The following UVRAG variants were observed in gnomAD, a reference collection of about 807,000 sequenced individuals.
UVRAG encodes UV radiation resistance-associated gene protein.
A neutral mutation model predicts 78.0 loss-of-function variants in UVRAG; 19 were observed. The ratio of observed to expected loss-of-function variants is 0.24; its 90% CI spans 0.17 to 0.36. The LOEUF (loss-of-function observed/expected upper bound fraction) is 0.36. Among genes scored for constraint, UVRAG ranks in the 10% least tolerant of loss-of-function variants. UVRAG has a pLI of 1.00. For synonymous variants in UVRAG, 323 were observed against 324.6 expected (o/e 1.00, Z 0.05); for missense variants, 740 against 853.8 (o/e 0.87, Z 1.66).
At chr11:76,051,967 G>C (rs149444771) in intron 12 of UVRAG, among the ~76,000 whole-genome samples, 12 of 152,112 alleles carry the variant, frequency 7.9e-5, no homozygotes, top group African/African-American at 2.7e-4. Context: ...CTTCAAAGTC[G>C]TCCCTTGCCA....
intron 13 of UVRAG, among the ~76,000 whole-genome samples, chr11:76,095,903 G>A (rs1013780783): frequency 2.7e-5 from 4 of 149,024 alleles, no homozygotes; most frequent in African/African-American, 4.9e-5. Flanking sequence ...GCCCTTAGAG[G>A]GAGATGCCAC....
chr11:75,971,263 T>C (rs1949116319), intron 7 of UVRAG, among the ~76,000 whole-genome samples: 1 of 152,244 alleles, frequency 6.6e-6, no homozygotes, highest in Non-Finnish European at 1.5e-5. Flanking sequence ...TATATCTTGG[T>C]TGCTTCCAAG....
rs574583591 is a variant in UVRAG at position 75,952,866 on chromosome 11, G to A, written c.594-8578G>A. 5.3e-5 allele frequency among the ~76,000 whole-genome samples: 8 copies of A among 151,944 alleles called. No individual in the cohort carries two copies. In the East Asian group the frequency reaches 1.5e-3, roughly 29 times the overall value. ...TTTTTGATGCTACTGGCATTTTACCGGTGAAGCTATCTGAGCCTAGAGTTT... is the reference window on the plus strand; with the variant it reads ...TTTTTGATGCTACTGGCATTTTACCAGTGAAGCTATCTGAGCCTAGAGTTT... On this transcript the variant is annotated intron_variant, in intron 6 of 14. Coordinates refer to ENST00000356136, the MANE Select transcript of UVRAG (RefSeq NM_003369.4).
intron 6 of UVRAG, among the ~76,000 whole-genome samples, chr11:75,960,391 C>T (rs2135199316): frequency 6.6e-6 from 1 of 152,020 alleles, no homozygotes; most frequent in Non-Finnish European, 1.5e-5. Flanking sequence ...GATCATTTTC[C>T]ACATGACAAT....
At chr11:75,837,301 T>C (rs560414345) in intron 1 of UVRAG, among the ~76,000 whole-genome samples, 1 of 129,510 alleles carries the variant, frequency 7.7e-6, no homozygotes, top group Admixed American at 9.6e-5. Flanking sequence ...CACTCCGGCC[T>C]GGGCGACAGA....
intron 13 of UVRAG, among the ~76,000 whole-genome samples, chr11:76,094,141 T>C (rs918524903): frequency 6.6e-6 from 1 of 152,198 alleles, no homozygotes; most frequent in African/African-American, 2.4e-5. Flanking sequence ...TTTGGTTCTG[T>C]TTATATGCTG....
intron 1 of UVRAG, among the ~76,000 whole-genome samples, chr11:75,828,581 T>G (rs938617920): frequency 4.6e-5 from 7 of 151,084 alleles, no homozygotes; most frequent in Non-Finnish European, 1.0e-4. Flanking sequence ...TGGGCTTAGG[T>G]GATCCTCCTG....
At chr11:76,109,344 A>G (rs117757281) in intron 13 of UVRAG, among the ~76,000 whole-genome samples, 3,014 of 152,238 alleles carry the variant, frequency 0.02, 55 homozygotes, top group Admixed American at 0.054. Context: ...AAAACCCTGG[A>G]GTAGGTTCTT....
At chr11:75,911,377 T>C in intron 5 of UVRAG, 1 of 160,052 alleles carries the variant, frequency 6.2e-6, no homozygotes, top group African/African-American at 2.4e-5. Flanking sequence ...GTGGGCACGT[T>C]TCCTGGGTCC....
chr11:76,072,769 A>G (rs768229282), intron 13 of UVRAG, among the ~76,000 whole-genome samples: 8 of 152,194 alleles, frequency 5.3e-5, no homozygotes, highest in Non-Finnish European at 2.9e-5. Context: ...GTTGGTACTG[A>G]GCCTTTAGTA....
chr11:76,028,897 C>T (rs1340466382), intron 12 of UVRAG, among the ~76,000 whole-genome samples: 2 of 152,086 alleles, frequency 1.3e-5, no homozygotes, highest in Non-Finnish European at 2.9e-5. Context: ...CACTAAACAA[C>T]AGATTTTCAA....
chr11:75,912,030 C>T lies in UVRAG; in HGVS notation c.584C>T (p.Ser195Phe). 1 of 1,609,666 alleles carries T rather than the reference C, an allele frequency of 6.2e-7. No homozygotes were observed. The highest frequency in any genetic ancestry group is 8.5e-7 in the Non-Finnish European group (1 of 1,176,382). ...GTTCGCAATTCTTACGATGTCTTCT[C>T]TTTGCTACGGTAAGAAACTTCTTAG... ...NCVRNSYDVF[S>F]LLRLHRAQCA... Residue 195 changes from serine to phenylalanine, a missense_variant, in exon 6 of 15, where the codon TCT becomes TTT. Transcript: ENST00000356136.
chr11:76,005,460 A>C (rs1427400173), intron 9 of UVRAG, among the ~76,000 whole-genome samples: 1 of 152,220 alleles, frequency 6.6e-6, no homozygotes, highest in African/African-American at 2.4e-5. Flanking sequence ...ACTCACTAGC[A>C]AAGCCAGGAC....
intron 12 of UVRAG, among the ~76,000 whole-genome samples, chr11:76,052,265 C>T (rs754288768): frequency 2.6e-5 from 4 of 152,176 alleles, no homozygotes; most frequent in Non-Finnish European, 4.4e-5. Flanking sequence ...AAACAGCATC[C>T]ACAGTGGTCA....
At chr11:76,070,801 C>T (rs943108140) in intron 13 of UVRAG, among the ~76,000 whole-genome samples, 3 of 152,116 alleles carry the variant, frequency 2.0e-5, no homozygotes, top group Non-Finnish European at 4.4e-5. Flanking sequence ...AAAAAGCAAA[C>T]TCATGGAGTC....
chr11:76,082,417 G>A (rs1295292322), intron 13 of UVRAG, among the ~76,000 whole-genome samples: 1 of 151,494 alleles, frequency 6.6e-6, no homozygotes, highest in Non-Finnish European at 1.5e-5. Context: ...TCGGGCGCCT[G>A]TAATCCCAGC....
In UVRAG at chr11:75,941,015, CT is replaced by C. The variant is rs575805330; in HGVS notation, c.594-20428del. Among the ~76,000 whole-genome samples the C allele has an allele frequency of 2.7e-3, 415 of 152,038 alleles. 1 individual carries two copies. Among genetic ancestry groups the C allele is most frequent in the Middle Eastern group, 6.8e-3 (2 of 294 alleles). ...CTACTAAATTATCTGTCATTCTGAA[CT>C]GTTTGTTACCATTCTGCAAAAAAAA... On this transcript the variant is annotated intron_variant, in intron 6 of 14. Coordinates refer to ENST00000356136, the MANE Select transcript of UVRAG (RefSeq NM_003369.4).
intron 1 of UVRAG, among the ~76,000 whole-genome samples, chr11:75,844,342 C>T (rs1436688428): frequency 2.0e-5 from 3 of 152,068 alleles, no homozygotes; most frequent in African/African-American, 7.2e-5. Context: ...ATTCTCCTGC[C>T]TCAGCCTCCC....
At chr11:75,838,747 T>A (rs1945842401) in intron 1 of UVRAG, among the ~76,000 whole-genome samples, 1 of 152,220 alleles carries the variant, frequency 6.6e-6, no homozygotes, top group Non-Finnish European at 1.5e-5. Context: ...CCAAAACTCA[T>A]GTTGAAATTT....
Sources: gnomAD v4.1 joint callset for allele counts (sites outside exome capture counted in the v4.1 genomes callset) on GRCh38, gnomAD v4.1.1 for gene constraint, MANE v1.5 for transcripts, NCBI Gene and HGNC (gene_info 2026-07-23, HGNC 2026-07-21) for gene names.